SETSIP: variants seen among roughly 807,000 people sequenced by gnomAD.
SETSIP encodes the protein SET like protein.
In SETSIP, 15 loss-of-function variants were observed where a neutral mutation model predicts 21.9. The observed-to-expected ratio is 0.69, with a 90% CI of 0.46 to 1.06. The LOEUF is 1.06. SETSIP is among the 50% of genes least tolerant of loss of function. The pLI is 0.00. For missense variants in SETSIP, 310 were observed against 337.4 expected, an observed-to-expected ratio of 0.92 and a Z score of 0.64; for synonymous variants, 101 against 121.2, an observed-to-expected ratio of 0.83 and a Z score of 1.09.
At chr1:92,075,347 A>G (rs768449512) in exon 1 of SETSIP, 206 of 1,611,034 alleles carry the variant, frequency 1.3e-4, no homozygotes, top group Non-Finnish European at 1.6e-4. Flanking sequence ...CTCCAGTCCC[A>G]GAGCAGGAGG....
At chr1:92,074,697 C>T in exon 1 of SETSIP, 2 of 1,598,160 alleles carry the variant, frequency 1.3e-6, no homozygotes, top group Non-Finnish European at 1.7e-6. Context: ...TCTTCATCAT[C>T]CATATCAGGA....
chr1:92,074,942 T>C, exon 1 of SETSIP: 12 of 1,611,714 alleles, frequency 7.4e-6, no homozygotes, highest in Non-Finnish European at 1.0e-5. Flanking sequence ...CTCATTCAGA[T>C]GAAATTCTTT....
exon 1 of SETSIP, chr1:92,074,857 T>C: frequency 6.2e-7 from 1 of 1,611,724 alleles, no homozygotes; most frequent in Non-Finnish European, 8.5e-7. Context: ...TATTCTGCGT[T>C]TGACTTGAAC....
exon 1 of SETSIP, chr1:92,074,644 TTCA>T (rs1199005538): frequency 1.9e-6 from 3 of 1,578,262 alleles, no homozygotes; most frequent in Non-Finnish European, 2.6e-6. Flanking sequence ...CTTCCTCCCC[TTCA>T]TCACCATCAT....
At chr1:92,075,317 C>G in exon 1 of SETSIP, 6 of 1,611,820 alleles carry the variant, frequency 3.7e-6, no homozygotes, top group Non-Finnish European at 5.1e-6. Context: ...CTTCGGCAAG[C>G]CTGCAGAGGC....
At chr1:92,074,911 C>A in exon 1 of SETSIP, 2 of 1,611,742 alleles carry the variant, frequency 1.2e-6, no homozygotes, top group Non-Finnish European at 8.5e-7. Flanking sequence ...TTTTGGTGGA[C>A]TTTGAAGATG....
At chr1:92,075,110 T>C (rs1570705158) in exon 1 of SETSIP, 1 of 1,611,792 alleles carries the variant, frequency 6.2e-7, no homozygotes, top group Non-Finnish European at 8.5e-7. Flanking sequence ...TTGTGGATGG[T>C]TGACAAATGT....
At chr1:92,074,742 C>T (rs1362119590) in exon 1 of SETSIP, 1 of 1,608,320 alleles carries the variant, frequency 6.2e-7, no homozygotes, top group African/African-American at 1.3e-5. Flanking sequence ...GGCCAAATAT[C>T]ATCTTTGATG....
At chr1:92,075,096 A>G in exon 1 of SETSIP, 1 of 1,611,874 alleles carries the variant, frequency 6.2e-7, no homozygotes, top group South Asian at 1.1e-5. Flanking sequence ...AGCAGTGAAG[A>G]CACTTGTGGA....
At chr1:92,075,126 C>A (rs1016288982) in exon 1 of SETSIP, 45 of 1,611,856 alleles carry the variant, frequency 2.8e-5, no homozygotes, top group Admixed American at 8.3e-5. Flanking sequence ...AATGTTGTTA[C>A]CCCAAAATTT....
chr1:92,074,653 A>G (rs1647800029), exon 1 of SETSIP: 12 of 1,523,350 alleles, frequency 7.9e-6, no homozygotes, highest in Non-Finnish European at 1.1e-5. Flanking sequence ...CTTCATCACC[A>G]TCATCATCAT....
exon 1 of SETSIP, chr1:92,075,263 T>C: frequency 6.2e-7 from 1 of 1,611,986 alleles, no homozygotes; most frequent in South Asian, 1.1e-5. Context: ...ATTTTGTACT[T>C]CATCAATGTG....
exon 1 of SETSIP, chr1:92,075,065 G>C: frequency 1.9e-6 from 3 of 1,611,836 alleles, no homozygotes; most frequent in Non-Finnish European, 2.5e-6. Context: ...ATAATGCAGT[G>C]CCTCTTCGTC....
exon 1 of SETSIP, chr1:92,075,212 A>G (rs1647812831): frequency 6.2e-7 from 1 of 1,611,920 alleles, no homozygotes; most frequent in Non-Finnish European, 8.5e-7. Flanking sequence ...TTCTACTTTC[A>G]AAATCTCCTC....
exon 1 of SETSIP, chr1:92,074,664 C>T (rs1647801957): frequency 6.3e-7 from 1 of 1,586,854 alleles, no homozygotes; most frequent in Admixed American, 1.8e-5. Flanking sequence ...TCATCATCAT[C>T]ATCATCATCA....
At chr1:92,075,091 T>G in exon 1 of SETSIP, 1 of 1,611,918 alleles carries the variant, frequency 6.2e-7, no homozygotes, top group Non-Finnish European at 8.5e-7. Context: ...CCCCAAGCAG[T>G]GAAGACACTT....
exon 1 of SETSIP, chr1:92,074,824 A>C (rs1570705011): frequency 6.2e-7 from 1 of 1,611,500 alleles, no homozygotes; most frequent in Non-Finnish European, 8.5e-7. Context: ...CTGGTTCCTC[A>C]TGCTGCCTCT....
chr1:92,074,816 G>C (rs1301072735), exon 1 of SETSIP: 1 of 1,611,376 alleles, frequency 6.2e-7, no homozygotes, highest in Non-Finnish European at 8.5e-7. Flanking sequence ...GAAGCTCTCT[G>C]GTTCCTCATG....
chr1:92,075,308 T>C, exon 1 of SETSIP: 2 of 1,611,944 alleles, frequency 1.2e-6, no homozygotes, highest in East Asian at 2.2e-5. Context: ...TTCTCCCTTC[T>C]TCGGCAAGCC....
Sources: allele counts gnomAD v4.1 joint callset, GRCh38; gene constraint gnomAD v4.1.1; transcripts MANE v1.5; gene names NCBI Gene and HGNC (gene_info 2026-07-23, HGNC 2026-07-21).